The following ITGA6 variants were observed in gnomAD, a reference collection of about 807,000 sequenced individuals.
ITGA6 encodes integrin subunit alpha 6.
ITGA6 carries 63 observed loss-of-function variants against 133.6 expected under a neutral mutation model. The ratio of observed to expected loss-of-function variants is 0.47; its 90% CI spans 0.38 to 0.58. The LOEUF (loss-of-function observed/expected upper bound fraction) is 0.58. ITGA6 is among the 20% of genes least tolerant of loss of function. The pLI, the probability that ITGA6 is intolerant of heterozygous loss-of-function variation, is 0.00. For missense variants in ITGA6, 1,068 were observed against 1,309.4 expected (o/e 0.82, Z 2.85); for synonymous variants, 434 against 482.0 (o/e 0.90, Z 1.30).
chr2:172,504,272 A>AAAT lies in ITGA6; in HGVS notation c.*204_*205insAAT. 1.3e-6 allele frequency: 2 copies of AAAT among 1,504,670 alleles called. No individual in the cohort carries two copies. The highest frequency in any genetic ancestry group is 1.8e-6 in the Non-Finnish European group (2 of 1,122,640). The allele number at this position is 1,504,670 out of a possible 1,614,324, so 93.2% of individuals were successfully genotyped here. ...TCATAGCGGGGGCCTAAAAAAAAAA[A>AAAT]GCTTCACAGTACCCAAACTGCTTTT... On this transcript the variant is annotated 3_prime_UTR_variant, in exon 26 of 26. Coordinates refer to ENST00000684293, the MANE Select transcript of ITGA6 (RefSeq NM_000210.4).
rs1686371930 is a variant in ITGA6 at position 172,480,157 on chromosome 2, C to A, written c.1549+106C>A. ...ACTGCAGTGGCCAACATGGGTCTGT[C>A]AATTCTGGTGTAAAGAATTAAGTGT... On this transcript the variant is annotated intron_variant, in intron 11 of 25. Transcript: ENST00000684293. The A allele has an allele frequency of 4.1e-6, 3 of 728,830 alleles. No homozygotes were observed. The South Asian group carries it at 4.4e-5, about 11-fold the overall frequency. 45.1% of individuals were successfully genotyped at this position (728,830 alleles called of 1,614,324 possible).
intron 1 of ITGA6, among the ~76,000 whole-genome samples, chr2:172,430,770 T>G (rs1435960917): frequency 1.3e-5 from 2 of 152,174 alleles, no homozygotes; most frequent in Non-Finnish European, 2.9e-5. Context: ...AGTTTCGGAC[T>G]CCAAAAGATT....
At chr2:172,455,369 C>T (rs551252498) in intron 1 of ITGA6, among the ~76,000 whole-genome samples, 5 of 152,140 alleles carry the variant, frequency 3.3e-5, no homozygotes, top group African/African-American at 4.8e-5. Context: ...GGGCCTGCCA[C>T]GTGCCAGACC....
intron 1 of ITGA6, among the ~76,000 whole-genome samples, chr2:172,439,766 G>A (rs1039354325): frequency 2.6e-5 from 4 of 152,190 alleles, no homozygotes; most frequent in Admixed American, 6.5e-5. Flanking sequence ...GAAAAGTCAA[G>A]TGACAGCTAG....
chr2:172,484,947 G>C lies in ITGA6; in HGVS notation c.1710+5G>C. ...GAGGAAACCCTGTGGCTACAGGTGA[G>C]GGCTGCAGATGGTCACATCTGTTTT... On this transcript the variant is annotated splice_donor_5th_base_variant and intron_variant, in intron 12 of 25. Coordinates refer to ENST00000684293, the MANE Select transcript of ITGA6 (RefSeq NM_000210.4). 2 of 1,613,788 alleles carry C rather than the reference G, an allele frequency of 1.2e-6. No individual in the cohort carries two copies. Among genetic ancestry groups the C allele is most frequent in the Non-Finnish European group, 1.7e-6 (2 of 1,179,676 alleles).
At chr2:172,499,566 TG>T (rs540420289) in intron 24 of ITGA6, among the ~76,000 whole-genome samples, 107 of 152,176 alleles carry the variant, frequency 7.0e-4, no homozygotes, top group African/African-American at 2.4e-3. Flanking sequence ...CTTGCTGTGT[TG>T]CCCAGACTGG....
intron 2 of ITGA6, 142 bp downstream of exon 2, chr2:172,465,805 C>A: frequency 8.5e-7 from 1 of 1,175,774 alleles, no homozygotes; most frequent in Non-Finnish European, 1.3e-6. Flanking sequence ...TTTTATTTGC[C>A]CTGAAAATAT....
At position 172,498,092 on chromosome 2, in the gene ITGA6, C is replaced by G. The variant is rs771493843; in HGVS notation, c.3106C>G (p.Leu1036Val). 2.5e-6 allele frequency: 4 copies of G among 1,613,430 alleles called. No homozygotes were observed. Among genetic ancestry groups the G allele is most frequent in the Non-Finnish European group, 3.4e-6 (4 of 1,179,492 alleles). Residue 1036 changes from leucine (L) to valine (V), a missense_variant, in exon 24 of 26, where the codon CTA becomes GTA. Physicochemically the swap from Leu to Val is conservative, Grantham distance 32 (BLOSUM62 1). This residue lies in a region of ITGA6 where 609 missense variants were observed against 707.2 expected (regional missense o/e 0.86). Transcript: ENST00000684293. ...GATGCTTGCTTTATTAGTGTTTATA[C>G]TATGGAAGGTAAGTCATATCTGGCA... Reference protein sequence around the residue: ...ILMLALLVFILWKCGFFKRNK... With the variant: ...ILMLALLVFIVWKCGFFKRNK...
In ITGA6 at chr2:172,457,295, C is replaced by CAAAAAAAAAA. The variant is rs71403305; in HGVS notation, c.183-8233_183-8224dup. ...GGGTGACAGAGCGAGATTCTGTCTC[C>CAAAAAAAAAA]AAAAAAAAAAAAAAAAAAAAGAAGC... On this transcript the variant is annotated intron_variant, in intron 1 of 25. Coordinates refer to ENST00000684293, the MANE Select transcript of ITGA6 (RefSeq NM_000210.4). 2.6e-3 allele frequency among the ~76,000 whole-genome samples: 209 copies of CAAAAAAAAAA among 79,300 alleles called. 3 individuals carry two copies. The highest frequency in any genetic ancestry group is 9.4e-3 in the African/African-American group (191 of 20,372). 52.0% of individuals were successfully genotyped at this position (79,300 alleles called of 152,430 possible).
chr2:172,475,472 C>CAA (rs11464370), intron 7 of ITGA6, 125 bp from the exon 8 acceptor site: 345 of 721,490 alleles, frequency 4.8e-4, no homozygotes, highest in East Asian at 6.0e-4. Context: ...TCAAAAAAAA[C>CAA]AAAAAAAAAC....
At chr2:172,499,933 T>C (rs547185234) in intron 24 of ITGA6, among the ~76,000 whole-genome samples, 143 of 96,500 alleles carry the variant, frequency 1.5e-3, no homozygotes, top group Non-Finnish European at 2.0e-3. Context: ...GTTTTTGTTT[T>C]GTTTTTGTTT....
intron 17 of ITGA6, 27 bp downstream of exon 17, chr2:172,487,834 C>A: frequency 6.5e-7 from 1 of 1,542,672 alleles, no homozygotes; most frequent in Non-Finnish European, 9.0e-7. Context: ...CCTCTCCATT[C>A]AGAATTATTT....
intron 1 of ITGA6, among the ~76,000 whole-genome samples, chr2:172,447,593 C>G (rs1181549685): frequency 8.5e-5 from 13 of 152,194 alleles, no homozygotes; most frequent in Non-Finnish European, 1.9e-4. Context: ...ATTTTAAATG[C>G]AGGCCAGTTG....
chr2:172,473,974 A>AG, intron 5 of ITGA6, 81 bp from the exon 6 acceptor site: 1 of 904,382 alleles, frequency 1.1e-6, no homozygotes, highest in Non-Finnish European at 1.8e-6. Context: ...CCAGAGGAAG[A>AG]GGTAATGATG....
chr2:172,435,637 TTTTG>T (rs1201249334), intron 1 of ITGA6, among the ~76,000 whole-genome samples: 3 of 141,894 alleles, frequency 2.1e-5, no homozygotes, highest in African/African-American at 7.8e-5. Context: ...TTTTTTTTTT[TTTTG>T]TTGAGACAGA....
Position 172,475,081 on chromosome 2 carries a change from C to T in ITGA6, c.1139C>T (p.Ala380Val). 6.2e-7 allele frequency: 1 copy of T among 1,602,642 alleles called. No homozygotes were observed. Among genetic ancestry groups the T allele is most frequent in the Non-Finnish European group, 8.6e-7 (1 of 1,169,542 alleles). The change falls in exon 7 of 26, where the codon GCA becomes GTA. Residue 380 changes from alanine to valine, a missense_variant. Physicochemically the swap from Ala to Val is moderately conservative, Grantham distance 64. Coordinates refer to ENST00000684293, the MANE Select transcript of ITGA6 (RefSeq NM_000210.4). ...ACCAAAGATTCTATGTTTGGCATTG[C>T]AGTAAAAAATATTGGAGATATTAAT... is the stretch of plus-strand genomic sequence containing the variant. ...NGTKDSMFGI[A>V]VKNIGDINQD...
chr2:172,457,295 CAAAAAAA>C (rs71403305), intron 1 of ITGA6, among the ~76,000 whole-genome samples: 3 of 79,352 alleles, frequency 3.8e-5, no homozygotes, highest in African/African-American at 1.5e-4. Flanking sequence ...ATTCTGTCTC[CAAAAAAA>C]AAAAAAAAAA....
At chr2:172,440,064 C>T (rs1184508484) in intron 1 of ITGA6, among the ~76,000 whole-genome samples, 3 of 152,186 alleles carry the variant, frequency 2.0e-5, no homozygotes. Flanking sequence ...TTCAGGTCAA[C>T]ATTGGTCAGC....
Position 172,498,055 on chromosome 2 carries a change from C to T in ITGA6, c.3069C>T (p.Leu1023=), listed in dbSNP as rs748279299. The change falls in exon 24 of 26, where the codon CTC becomes CTT. Residue 1023 remains leucine, a synonymous_variant. Transcript: ENST00000684293. Reference sequence around the variant, plus strand: ...GGTGGATCATCCTAGTGGCTATTCTCGCTGGGATCTTGATGCTTGCTTTAT... The same window carrying T: ...GGTGGATCATCCTAGTGGCTATTCTTGCTGGGATCTTGATGCTTGCTTTAT... ...VPWWIILVAI[L]AGILMLALLV... 13 of 1,613,508 alleles carry T rather than the reference C, an allele frequency of 8.1e-6. 1 individual carries two copies. The highest frequency in any genetic ancestry group is 6.6e-5 in the South Asian group (6 of 91,078).
Sources: gnomAD v4.1 joint callset for allele counts (sites outside exome capture counted in the v4.1 genomes callset) on GRCh38, gnomAD v4.1.1 for gene constraint, gnomAD v4.1.1 regional missense constraint, MANE v1.5 for transcripts, NCBI Gene and HGNC (gene_info 2026-07-23, HGNC 2026-07-21) for gene names.